The following LAMB4 variants were observed in gnomAD, a reference collection of about 807,000 sequenced individuals.
LAMB4 encodes laminin subunit beta 4.
A neutral mutation model predicts 199.2 loss-of-function variants in LAMB4; 196 were observed. That is an observed-to-expected ratio of 0.98 (90% confidence interval 0.88 to 1.11). The LOEUF (loss-of-function observed/expected upper bound fraction) is 1.11, where lower values mean the gene tolerates loss of function less well. Ranked by LOEUF, LAMB4 falls within the 50% of genes least tolerant of loss-of-function variation. The probability of loss-of-function intolerance (pLI) is 0.00; values close to 1 mark genes in which losing one functional copy is unlikely to be tolerated. For missense variants in LAMB4, 2,080 were observed against 2,171.2 expected (o/e 0.96, Z 0.83); for synonymous variants, 744 against 770.6 (o/e 0.97, Z 0.57).
At chr7:108,083,351 G>A (rs973518819) in intron 14 of LAMB4, among the ~76,000 whole-genome samples, 1 of 152,238 alleles carries the variant, frequency 6.6e-6, no homozygotes, top group African/African-American at 2.4e-5. Flanking sequence ...TTGAGGGCTA[G>A]TGAAGTGGGT....
intron 33 of LAMB4, among the ~76,000 whole-genome samples, chr7:108,026,087 T>C (rs968197725): frequency 2.0e-5 from 3 of 152,154 alleles, no homozygotes; most frequent in African/African-American, 7.2e-5. Context: ...ACTCTGGTGT[T>C]CACAGGGCTC....
chr7:108,091,743 G>A lies in LAMB4; in HGVS notation c.1584C>T (p.Arg528=). 6.2e-7 allele frequency: 1 copy of A among 1,614,148 alleles called. No individual in the cohort carries two copies. Among genetic ancestry groups the A allele is most frequent in the Non-Finnish European group, 8.5e-7 (1 of 1,180,026 alleles). Reference sequence around the variant, plus strand: ...AGCAGCTACGGCCAGTGACATGTGGGCGGCATTCACACTGCCCATTCTTGG... The same window carrying A: ...AGCAGCTACGGCCAGTGACATGTGGACGGCATTCACACTGCCCATTCTTGG... ...CSPKNGQCEC[R]PHVTGRSCSE... is the part of the protein sequence containing the mutation. Residue 528 remains arginine (R), a synonymous_variant, in exon 14 of 34, where the codon CGC becomes CGT. Coordinates refer to ENST00000388781, the MANE Select transcript of LAMB4 (RefSeq NM_007356.3).
chr7:108,077,169 C>T (rs905759131), intron 16 of LAMB4, 105 bp from the exon 17 acceptor site: 5 of 1,201,000 alleles, frequency 4.2e-6, no homozygotes, highest in South Asian at 2.8e-5. Context: ...GGGCAGTGAC[C>T]TCCACTGTGG....
chr7:108,055,862 A>G lies in LAMB4; in HGVS notation c.3525T>C (p.Cys1175=). The stretch of plus-strand genomic sequence containing the variant: ...GGTCCCACTGATCAAAGCACAAGTG[A>G]CATTGAAGACAAGTAGGGAATTCCT... ...HSQEFPTCLQ[C]HLCFDQWDHT... Residue 1175 remains cysteine, a synonymous_variant, in exon 25 of 34, where the codon TGT becomes TGC. Transcript: ENST00000388781. 1 of 1,614,210 alleles carries G rather than the reference A, an allele frequency of 6.2e-7. No homozygotes were observed. Among genetic ancestry groups the G allele is most frequent in the Non-Finnish European group, 8.5e-7 (1 of 1,180,038 alleles).
At chr7:108,081,036 C>T (rs1049642078) in intron 14 of LAMB4, among the ~76,000 whole-genome samples, 15 of 152,094 alleles carry the variant, frequency 9.9e-5, no homozygotes, top group African/African-American at 3.4e-4. Context: ...ACAGGAGAAT[C>T]GCTTGAACCT....
intron 31 of LAMB4, among the ~76,000 whole-genome samples, chr7:108,031,758 C>T (rs1228766742): frequency 6.6e-6 from 1 of 152,198 alleles, no homozygotes; most frequent in African/African-American, 2.4e-5. Context: ...CAGTTTAAAG[C>T]ATTCCATTGT....
intron 5 of LAMB4, among the ~76,000 whole-genome samples, chr7:108,108,541 T>A (rs2038105617): frequency 6.6e-6 from 1 of 152,216 alleles, no homozygotes; most frequent in Non-Finnish European, 1.5e-5. Flanking sequence ...CCCAGCATTT[T>A]AAATCAATCA....
chr7:108,012,979 G>C, the LAMB4 span, among the ~76,000 whole-genome samples: 3 of 152,088 alleles, frequency 2.0e-5, no homozygotes, highest in African/African-American at 7.2e-5. Context: ...CACAATATTT[G>C]GACACATGCT....
chr7:108,040,173 G>T (rs985559771), intron 29 of LAMB4, among the ~76,000 whole-genome samples: 5 of 152,040 alleles, frequency 3.3e-5, no homozygotes, highest in African/African-American at 7.3e-5. Context: ...GCCACAAAAA[G>T]AATAAAATAC....
intron 19 of LAMB4, among the ~76,000 whole-genome samples, chr7:108,067,154 G>C (rs865902201): frequency 3.3e-5 from 5 of 152,016 alleles, no homozygotes; most frequent in Non-Finnish European, 7.4e-5. Context: ...AGAAATGTTT[G>C]TTCCTTTGTC....
intron 14 of LAMB4, among the ~76,000 whole-genome samples, chr7:108,086,475 T>C (rs1463594477): frequency 6.6e-6 from 1 of 152,132 alleles, no homozygotes; most frequent in Admixed American, 6.5e-5. Flanking sequence ...TGAAAAAAAT[T>C]TCACAAAAAT....
intron 14 of LAMB4, among the ~76,000 whole-genome samples, chr7:108,088,424 A>G (rs1337142220): frequency 6.6e-6 from 1 of 152,178 alleles, no homozygotes; most frequent in Non-Finnish European, 1.5e-5. Flanking sequence ...TCGGCCTCTC[A>G]AAGTGCTGGG....
chr7:108,074,813 AC>A (rs1193388943), intron 17 of LAMB4, among the ~76,000 whole-genome samples: 1 of 152,224 alleles, frequency 6.6e-6, no homozygotes, highest in African/African-American at 2.4e-5. Flanking sequence ...ACACCCCAGG[AC>A]CAGCATACTT....
chr7:108,059,884 G>A (rs1391787540), intron 23 of LAMB4, among the ~76,000 whole-genome samples: 1 of 152,142 alleles, frequency 6.6e-6, no homozygotes, highest in Non-Finnish European at 1.5e-5. Context: ...ACAGCCTATT[G>A]GGATATCTTG....
chr7:108,122,195 C>G (rs10953558), intron 2 of LAMB4, among the ~76,000 whole-genome samples: 1 of 152,154 alleles, frequency 6.6e-6, no homozygotes, highest in Non-Finnish European at 1.5e-5. Flanking sequence ...TATACAAAGG[C>G]TGGGGAGAAG....
chr7:108,121,560 G>A (rs1019171494), intron 2 of LAMB4, among the ~76,000 whole-genome samples: 1 of 152,096 alleles, frequency 6.6e-6, no homozygotes, highest in African/African-American at 2.4e-5. Context: ...GACCAGCCTG[G>A]CCAACATGGT....
At chr7:108,064,843 ATCT>A (rs765895160) in intron 21 of LAMB4, among the ~76,000 whole-genome samples, 6 of 151,782 alleles carry the variant, frequency 4.0e-5, no homozygotes, top group South Asian at 2.1e-4. Context: ...TTCATAAGTT[ATCT>A]TCTTATTTTC....
chr7:108,093,058 C>G (rs1482202725), intron 12 of LAMB4, among the ~76,000 whole-genome samples: 1 of 152,138 alleles, frequency 6.6e-6, no homozygotes, highest in African/African-American at 2.4e-5. Flanking sequence ...TTCTACCAGC[C>G]TATGTGTAAC....
chr7:108,114,610 C>T (rs2038345963), intron 3 of LAMB4, among the ~76,000 whole-genome samples: 1 of 152,222 alleles, frequency 6.6e-6, no homozygotes, highest in African/African-American at 2.4e-5. Context: ...CAAGTATTGT[C>T]TCCACTTATT....
Sources: allele counts gnomAD v4.1 joint callset (sites outside exome capture counted in the v4.1 genomes callset), GRCh38; gene constraint gnomAD v4.1.1; transcripts MANE v1.5; gene names NCBI Gene and HGNC (gene_info 2026-07-23, HGNC 2026-07-21).